DENND3: variants seen among roughly 807,000 people sequenced by gnomAD.
DENND3 encodes the protein DENN domain-containing protein 3.
Under a neutral mutation model 135.1 loss-of-function variants are expected in DENND3, and 88 were observed. The observed-to-expected ratio is 0.65, with a 90% CI of 0.55 to 0.78. The LOEUF (loss-of-function observed/expected upper bound fraction) is 0.78, where lower values mean the gene tolerates loss of function less well. DENND3 is among the 30% of genes least tolerant of loss of function. The probability of loss-of-function intolerance (pLI) is 0.00; values close to 1 mark genes in which losing one functional copy is unlikely to be tolerated. For synonymous variants in DENND3, 693 were observed against 712.3 expected (o/e 0.97, Z 0.43); for missense variants, 1,392 against 1,688.4 (o/e 0.82, Z 3.08).
Position 141,137,876 on chromosome 8 carries a change from CGGAAGAATGAACCCGCCTT to C in DENND3, c.386-142_386-124del. 2 of 713,404 alleles carry C rather than the reference CGGAAGAATGAACCCGCCTT, an allele frequency of 2.8e-6. No individual in the cohort carries two copies. Among genetic ancestry groups the C allele is most frequent in the Non-Finnish European group, 4.6e-6 (2 of 438,248 alleles). The allele number at this position is 713,404 out of a possible 1,614,324, so 44.2% of individuals were successfully genotyped here. Reference sequence around the variant, plus strand: ...GAGGATAGACGGCCGGAGGCGTGATCGGAAGAATGAACCCGCCTTGGACATGAAGGCACCACCACTGCTA... The same window carrying C: ...GAGGATAGACGGCCGGAGGCGTGATCGGACATGAAGGCACCACCACTGCTA... On this transcript the variant is annotated intron_variant, in intron 2 of 22. Coordinates refer to ENST00000519811, the MANE Select transcript of DENND3 (RefSeq NM_001352890.3). This position sits in a 1 kb window ranked among gnomAD's most constrained non-coding sequence, Gnocchi z 4.1.
chr8:141,137,237 C>T lies in DENND3; in HGVS notation c.385+446C>T, dbSNP rs141048611. Among the ~76,000 whole-genome samples the T allele has an allele frequency of 6.7e-3, 1,017 of 152,302 alleles. 20 individuals are homozygous for T. Among genetic ancestry groups the T allele is most frequent in the African/African-American group, 0.024 (980 of 41,554 alleles). On this transcript the variant is annotated intron_variant, in intron 2 of 22. Transcript: ENST00000519811. This position sits in a 1 kb window ranked among gnomAD's most constrained non-coding sequence, Gnocchi z 4.1. ...TCAAGTGATCCACCTGCCTTAGCCT[C>T]CCAAAGTGCTGGGATTACAGGCGTG...
intron 6 of DENND3, 132 bp downstream of exon 6, chr8:141,151,085 A>AT (rs1253943742): frequency 6.9e-6 from 9 of 1,296,096 alleles, no homozygotes; most frequent in Admixed American, 7.0e-5. Context: ...AATGTTTATT[A>AT]TTATTTTTTA....
rs200601782 is a variant in DENND3, at chr8:141,144,213, C to T, written c.689C>T (p.Ala230Val). The T allele has an allele frequency of 1.0e-4, 166 of 1,613,868 alleles. No individual in the cohort carries two copies. Among genetic ancestry groups the T allele is most frequent in the Non-Finnish European group, 1.2e-4 (145 of 1,179,950 alleles). The change falls in exon 5 of 23, where the codon GCG becomes GTG. Residue 230 changes from alanine (A) to valine (V), a missense_variant. Coordinates refer to ENST00000519811, the MANE Select transcript of DENND3 (RefSeq NM_001352890.3). The surrounding 1 kb of genome is among the most constrained non-coding windows in gnomAD (Gnocchi z 4.4). Reference sequence around the variant, plus strand: ...GACAGTCATATAAAAGATTTCGCTGCGAAGCTGTCTTTAATACCCAGCCCG... The same window carrying T: ...GACAGTCATATAAAAGATTTCGCTGTGAAGCTGTCTTTAATACCCAGCCCG... ...EVDSHIKDFA[A>V]KLSLIPSPPP...
In DENND3 at chr8:141,136,745, C is replaced by A; in HGVS notation, c.339C>A (p.Val113=). 1.2e-6 allele frequency: 2 copies of A among 1,600,374 alleles called. No homozygotes were observed. The highest frequency in any genetic ancestry group is 1.3e-5 in the African/African-American group (1 of 74,830). ...PRAPEPEDVA[V]PGGVDLLTLP... ...CGCCAGAGCCTGAGGATGTCGCCGT[C>A]CCGGGCGGCGTGGACCTCCTCACCC... is the stretch of plus-strand genomic sequence containing the variant. Residue 113 remains valine, a synonymous_variant, in exon 2 of 23, where the codon GTC becomes GTA. Coordinates refer to ENST00000519811, the MANE Select transcript of DENND3 (RefSeq NM_001352890.3).
chr8:141,160,816 T>C (rs1820047295), intron 9 of DENND3, 29 bp downstream of exon 9: 3 of 1,591,584 alleles, frequency 1.9e-6, no homozygotes, highest in African/African-American at 1.3e-5. Flanking sequence ...CCAGTGTCCA[T>C]GAGGAGGTAA....
At chr8:141,165,845 C>T (rs147306983) in intron 11 of DENND3, among the ~76,000 whole-genome samples, 20 of 152,224 alleles carry the variant, frequency 1.3e-4, no homozygotes, top group Admixed American at 9.2e-4. Context: ...GCGTCTTCCT[C>T]GGTGCTGCTC....
chr8:141,160,456 A>G (rs191062642), intron 8 of DENND3, among the ~76,000 whole-genome samples, 176 bp from the exon 9 acceptor site: 53 of 152,348 alleles, frequency 3.5e-4, no homozygotes, highest in African/African-American at 1.3e-3. Flanking sequence ...CTGGGATTAC[A>G]GGCGTGAGCC....
At chr8:141,147,626 C>T (rs530040006) in intron 5 of DENND3, among the ~76,000 whole-genome samples, 4 of 152,326 alleles carry the variant, frequency 2.6e-5, no homozygotes, top group East Asian at 1.9e-4. Context: ...CCCCACTCCC[C>T]GTCTCTCCGA....
In DENND3 at chr8:141,192,514, C is replaced by T; in HGVS notation, c.3499-12C>T. 1.9e-6 allele frequency: 3 copies of T among 1,603,046 alleles called. No homozygotes were observed. Among genetic ancestry groups the T allele is most frequent in the East Asian group, 2.2e-5 (1 of 44,742 alleles). ...CCGGGGCCCATAGCCCACACCGTGC[C>T]CTGCGTTTCAGGAGGAGCAGCTGTG... On this transcript the variant is annotated splice_polypyrimidine_tract_variant and intron_variant, in intron 21 of 22. Transcript: ENST00000519811.
At chr8:141,152,649 C>A (rs1302945642) in intron 7 of DENND3, among the ~76,000 whole-genome samples, 2 of 152,228 alleles carry the variant, frequency 1.3e-5, no homozygotes, top group Non-Finnish European at 2.9e-5. Flanking sequence ...ATAAAATCTT[C>A]ATCACACTGT....
intron 5 of DENND3, among the ~76,000 whole-genome samples, chr8:141,145,824 TATATA>T (rs1817981835): frequency 2.5e-5 from 1 of 40,386 alleles, no homozygotes; most frequent in African/African-American, 9.7e-5. Flanking sequence ...TATATATATA[TATATA>T]TATATATATA....
At chr8:141,155,153 G>C (rs1819287535) in intron 7 of DENND3, among the ~76,000 whole-genome samples, 1 of 152,186 alleles carries the variant, frequency 6.6e-6, no homozygotes, top group Non-Finnish European at 1.5e-5. Flanking sequence ...GTGAGTCTCA[G>C]TTTTGGGATG....
intron 4 of DENND3, chr8:141,143,877 A>G: frequency 3.1e-6 from 1 of 320,898 alleles, no homozygotes; most frequent in South Asian, 6.8e-5. Context: ...TTGAACACAC[A>G]CATGTAACTA....
At chr8:141,153,357 G>A (rs1357123039) in intron 7 of DENND3, among the ~76,000 whole-genome samples, 3 of 152,206 alleles carry the variant, frequency 2.0e-5, no homozygotes, top group African/African-American at 7.2e-5. Flanking sequence ...GCCTTCCAAA[G>A]TGCTGGGATT....
At chr8:141,189,511 G>A (rs945561292) in intron 19 of DENND3, among the ~76,000 whole-genome samples, 2 of 152,240 alleles carry the variant, frequency 1.3e-5, no homozygotes, top group South Asian at 2.1e-4. Flanking sequence ...CTCAGTGTTG[G>A]CCTTGGGCTG....
intron 7 of DENND3, among the ~76,000 whole-genome samples, chr8:141,152,752 G>A (rs968849260): frequency 6.6e-6 from 1 of 152,102 alleles, no homozygotes. Context: ...CGTTTCTCTC[G>A]GGTGTGTCCC....
rs1003232443 is a variant in DENND3, at chr8:141,178,297, G to A, written c.2836+101G>A. The A allele has an allele frequency of 2.7e-6, 4 of 1,460,090 alleles. No homozygotes were observed. The African/African-American group carries it at 5.7e-5, about 21-fold the overall frequency. 90.4% of individuals were successfully genotyped at this position (1,460,090 alleles called of 1,614,324 possible). A position where few individuals can be genotyped will look rare whatever the true frequency, so the allele number is the denominator to read the frequency against. On this transcript the variant is annotated intron_variant, in intron 16 of 22. Coordinates refer to ENST00000519811, the MANE Select transcript of DENND3 (RefSeq NM_001352890.3). ...GTTTTATCAAGTAGAACCGAGCCCA[G>A]CTCCCCCAGTTTTTTCTTTTATATT...
rs749281232 is a variant in DENND3 at position 141,158,225 on chromosome 8, A to C, written c.1196+2255A>C. On this transcript the variant is annotated intron_variant, in intron 8 of 22. Transcript: ENST00000519811. ...CACCTGAGCAGCTGTTCTGTTGGCA[A>C]CTGTCCTCTGCGCGAACTTTGAAGG... is the stretch of plus-strand genomic sequence containing the variant. The C allele has an allele frequency of 1.9e-5, 25 of 1,289,754 alleles. No individual in the cohort carries two copies. The African/African-American group carries it at 3.3e-4, about 17-fold the overall frequency. The allele number at this position is 1,289,754 out of a possible 1,614,324, so 79.9% of individuals were successfully genotyped here. A position where few individuals can be genotyped will look rare whatever the true frequency, so the allele number is the denominator to read the frequency against.
In DENND3 at chr8:141,128,637, C is replaced by G; in HGVS notation, c.-71C>G. ...CGGCCCCCAGGCGGCGCGGCTGGTC[C>G]CCAGGGGTCTGCGGGCGACTGCGCG... On this transcript the variant is annotated 5_prime_UTR_variant, in exon 1 of 23. Transcript: ENST00000519811. The surrounding 1 kb of genome is among the most constrained non-coding windows in gnomAD (Gnocchi z 4.5). The G allele has an allele frequency of 9.7e-7, 1 of 1,035,544 alleles. No individual in the cohort carries two copies. The highest frequency in any genetic ancestry group is 1.2e-6 in the Non-Finnish European group (1 of 809,288). The allele number at this position is 1,035,544 out of a possible 1,614,324, so 64.1% of individuals were successfully genotyped here.
Sources: gnomAD v4.1 joint callset for allele counts (sites outside exome capture counted in the v4.1 genomes callset) on GRCh38, gnomAD v4.1.1 for gene constraint, Gnocchi (gnomAD v3.1) non-coding constraint, MANE v1.5 for transcripts, NCBI Gene and HGNC (gene_info 2026-07-23, HGNC 2026-07-21) for gene names.